Variants in PARD3B observed in about 807,000 individuals in gnomAD.
PARD3B encodes par-3 family cell polarity regulator beta, also known as partitioning defective 3 homolog B.
PARD3B carries 103 observed loss-of-function variants against 130.2 expected under a neutral mutation model. The ratio of observed to expected loss-of-function variants is 0.79; its 90% CI spans 0.67 to 0.93. The LOEUF (loss-of-function observed/expected upper bound fraction) is 0.93. Among genes scored for constraint, PARD3B ranks in the 40% least tolerant of loss-of-function variants. PARD3B has a pLI of 0.00. For synonymous variants in PARD3B, 583 were observed against 553.2 expected (o/e 1.05, Z -0.76); for missense variants, 1,609 against 1,499.2 (o/e 1.07, Z -1.21).
At chr2:204,611,244 A>G (rs1242920403) in intron 1 of PARD3B, among the ~76,000 whole-genome samples, 1 of 152,178 alleles carries the variant, frequency 6.6e-6, no homozygotes, top group East Asian at 1.9e-4. Flanking sequence ...GTCATTCCGA[A>G]TGTGCTACAG....
chr2:204,979,795 A>T (rs1382849679), intron 3 of PARD3B, among the ~76,000 whole-genome samples: 2 of 152,186 alleles, frequency 1.3e-5, no homozygotes, highest in African/African-American at 2.4e-5. Flanking sequence ...TATAGAAAAA[A>T]ATTTAATATC....
At chr2:204,757,501 ATTAGTGATGTTGAGCATTTT>A (rs2040728719) in intron 2 of PARD3B, among the ~76,000 whole-genome samples, 1 of 151,992 alleles carries the variant, frequency 6.6e-6, no homozygotes. Flanking sequence ...CGTATCTCTG[ATTAGTGATGTTGAGCATTTT>A]TTTTCATATG....
intron 3 of PARD3B, among the ~76,000 whole-genome samples, chr2:204,973,583 A>C (rs1410431708): frequency 6.6e-6 from 1 of 151,926 alleles, no homozygotes; most frequent in Non-Finnish European, 1.5e-5. Flanking sequence ...CAAAAAAAAA[A>C]AAAATCCACT....
chr2:204,600,967 T>C (rs536488185), intron 1 of PARD3B, among the ~76,000 whole-genome samples: 58 of 151,942 alleles, frequency 3.8e-4, no homozygotes, highest in Middle Eastern at 3.4e-3. Context: ...TGGATGAACT[T>C]GGGGATTTTG....
intron 2 of PARD3B, among the ~76,000 whole-genome samples, chr2:204,951,231 T>C (rs1689739010): frequency 6.6e-6 from 1 of 152,208 alleles, no homozygotes. Context: ...TCTAGACATT[T>C]TCATTATACA....
intron 4 of PARD3B, among the ~76,000 whole-genome samples, chr2:205,071,909 C>A (rs1700760844): frequency 6.6e-6 from 1 of 152,022 alleles, no homozygotes; most frequent in Non-Finnish European, 1.5e-5. Context: ...AAACACTGGT[C>A]ATTACATTTT....
intron 21 of PARD3B, among the ~76,000 whole-genome samples, chr2:205,552,732 A>T (rs1395104643): frequency 5.3e-5 from 8 of 152,082 alleles, no homozygotes; most frequent in Admixed American, 5.2e-4. Context: ...TGCTTTTAAA[A>T]ATATGGTCTT....
At chr2:205,188,735 G>A (rs1214834154) in intron 14 of PARD3B, among the ~76,000 whole-genome samples, 3 of 149,612 alleles carry the variant, frequency 2.0e-5, no homozygotes, top group Non-Finnish European at 3.0e-5. Context: ...AGGACTGGAA[G>A]GGAGCCAGGA....
chr2:204,644,487 A>G (rs1291186371), intron 1 of PARD3B, among the ~76,000 whole-genome samples: 2 of 152,132 alleles, frequency 1.3e-5, no homozygotes, highest in East Asian at 1.9e-4. Flanking sequence ...TATTATTACT[A>G]TGTTAGTTGA....
intron 4 of PARD3B, among the ~76,000 whole-genome samples, chr2:205,070,952 A>G (rs933753250): frequency 4.6e-5 from 7 of 152,144 alleles, no homozygotes; most frequent in Non-Finnish European, 8.8e-5. Flanking sequence ...GCTTTCTATA[A>G]CTGGGGCTAT....
At chr2:205,364,405 T>C (rs2044521189) in intron 18 of PARD3B, among the ~76,000 whole-genome samples, 1 of 152,186 alleles carries the variant, frequency 6.6e-6, no homozygotes. Flanking sequence ...AGAAATTACA[T>C]CTGAGTCCTC....
At chr2:205,018,209 A>C (rs1696304401) in intron 3 of PARD3B, among the ~76,000 whole-genome samples, 1 of 152,198 alleles carries the variant, frequency 6.6e-6, no homozygotes. Context: ...TCTGGAAAGA[A>C]GGAAGGAAGT....
intron 4 of PARD3B, among the ~76,000 whole-genome samples, chr2:205,083,968 C>T (rs1701591702): frequency 6.6e-6 from 1 of 152,100 alleles, no homozygotes; most frequent in Admixed American, 6.5e-5. Flanking sequence ...ATAAATACTT[C>T]AGTGTACATC....
chr2:205,471,336 A>C (rs1233483457), intron 20 of PARD3B, among the ~76,000 whole-genome samples: 1 of 148,812 alleles, frequency 6.7e-6, no homozygotes, highest in East Asian at 1.9e-4. Context: ...AGACACTATC[A>C]GTGCAAACTC....
At chr2:204,821,934 A>G (rs899989027) in intron 2 of PARD3B, among the ~76,000 whole-genome samples, 2 of 152,180 alleles carry the variant, frequency 1.3e-5, no homozygotes, top group South Asian at 2.1e-4. Context: ...ATGCACTAAC[A>G]TAACATCTAT....
chr2:204,619,193 T>A (rs1363126229), intron 1 of PARD3B, among the ~76,000 whole-genome samples: 2 of 152,146 alleles, frequency 1.3e-5, no homozygotes, highest in Non-Finnish European at 2.9e-5. Context: ...ATGAAGAAGG[T>A]CAGCTTCTGG....
intron 3 of PARD3B, among the ~76,000 whole-genome samples, chr2:204,978,850 G>C (rs902637235): frequency 2.6e-5 from 4 of 151,168 alleles, no homozygotes; most frequent in Non-Finnish European, 4.4e-5. Flanking sequence ...TGTAATCCCA[G>C]CTACTCAGGA....
At chr2:205,001,784 T>G (rs555226915) in intron 3 of PARD3B, among the ~76,000 whole-genome samples, 8 of 152,290 alleles carry the variant, frequency 5.3e-5, no homozygotes, top group African/African-American at 1.9e-4. Flanking sequence ...ACCCAGCACT[T>G]GCACTGGTGG....
intron 15 of PARD3B, among the ~76,000 whole-genome samples, chr2:205,242,486 C>G (rs1034765535): frequency 1.3e-4 from 20 of 152,144 alleles, no homozygotes; most frequent in African/African-American, 4.8e-4. Flanking sequence ...ACCGTACAGT[C>G]TAGTGTACTT....
Sources: allele counts gnomAD v4.1 joint callset (sites outside exome capture counted in the v4.1 genomes callset), GRCh38; gene constraint gnomAD v4.1.1; transcripts MANE v1.5; gene names NCBI Gene and HGNC (gene_info 2026-07-23, HGNC 2026-07-21).